DCLK1: variants seen among roughly 807,000 people sequenced by gnomAD.
The protein encoded by DCLK1 is doublecortin like kinase 1.
In DCLK1, 16 loss-of-function variants were observed where a neutral mutation model predicts 86.2. The ratio of observed to expected loss-of-function variants is 0.19; its 90% confidence interval spans 0.13 to 0.28. DCLK1 has a LOEUF of 0.28. Ranked by LOEUF, DCLK1 falls within the 10% of genes least tolerant of loss-of-function variation. The probability of loss-of-function intolerance (pLI) is 1.00; values close to 1 mark genes in which losing one functional copy is unlikely to be tolerated. For missense variants in DCLK1, 590 were observed against 940.2 expected, an observed-to-expected ratio of 0.63 and a Z score of 4.87; for synonymous variants, 369 against 370.5, an observed-to-expected ratio of 1.00 and a Z score of 0.05.
At chr13:35,997,700 A>G (rs1011389515) in intron 3 of DCLK1, among the ~76,000 whole-genome samples, 9 of 152,188 alleles carry the variant, frequency 5.9e-5, no homozygotes, top group African/African-American at 1.9e-4. Context: ...TTTAAATCAG[A>G]TATAAAAGAA....
At chr13:35,793,223 C>T (rs2086740194) in intron 16 of DCLK1, 143 bp downstream of exon 16, 1 of 515,240 alleles carries the variant, frequency 1.9e-6, no homozygotes, top group Non-Finnish European at 3.4e-6. Context: ...AAGTCCCATA[C>T]CTCCTCTAGT....
At chr13:35,991,318 A>G (rs2153143811) in intron 3 of DCLK1, among the ~76,000 whole-genome samples, 1 of 152,230 alleles carries the variant, frequency 6.6e-6, no homozygotes, top group African/African-American at 2.4e-5. Context: ...GAAACACAGA[A>G]GTTTAACTAT....
chr13:35,808,863 T>A (rs183267733), intron 13 of DCLK1, among the ~76,000 whole-genome samples, 155 bp downstream of exon 13: 2 of 152,036 alleles, frequency 1.3e-5, no homozygotes, highest in African/African-American at 2.4e-5. Context: ...TAAATTAGCA[T>A]GCATGACATA....
At chr13:36,074,126 C>T (rs1884079301) in intron 3 of DCLK1, among the ~76,000 whole-genome samples, 1 of 152,112 alleles carries the variant, frequency 6.6e-6, no homozygotes, top group Non-Finnish European at 1.5e-5. Context: ...TGCTACCACA[C>T]TGATTTGCAA....
At chr13:36,111,360 C>T (rs1011611801) in intron 3 of DCLK1, among the ~76,000 whole-genome samples, 1 of 152,062 alleles carries the variant, frequency 6.6e-6, no homozygotes, top group Non-Finnish European at 1.5e-5. Context: ...AGAAATATGC[C>T]TTTAAAGCTA....
chr13:36,014,984 C>T (rs1881478149), intron 3 of DCLK1, among the ~76,000 whole-genome samples: 1 of 101,408 alleles, frequency 9.9e-6, no homozygotes, highest in African/African-American at 3.9e-5. Context: ...TTAATTCTCT[C>T]TCCCTCTCTC....
Position 35,959,403 on chromosome 13 carries a change from C to T in DCLK1, c.724-11946G>A, listed in dbSNP as rs564721381. Among the ~76,000 whole-genome samples, 9 of 152,218 alleles carry T rather than the reference C, an allele frequency of 5.9e-5. No homozygotes were observed. In the East Asian group the frequency reaches 1.4e-3, roughly 23 times the overall value. The stretch of plus-strand genomic sequence containing the variant: ...GGCGATCACTGGCCATTAACACAGG[C>T]AGACAGTAGGAAATTGATGGGGACT... On this transcript the variant is annotated intron_variant, in intron 3 of 16. Coordinates refer to ENST00000360631, the MANE Select transcript of DCLK1 (RefSeq NM_001330071.2).
At chr13:36,013,181 C>T (rs1593817152) in intron 3 of DCLK1, among the ~76,000 whole-genome samples, 1 of 150,018 alleles carries the variant, frequency 6.7e-6, no homozygotes, top group African/African-American at 2.5e-5. Flanking sequence ...GAATGTCCTC[C>T]CGTAGCTCAG....
chr13:36,114,655 TTAAC>T (rs1410865075), intron 2 of DCLK1, among the ~76,000 whole-genome samples: 5 of 152,268 alleles, frequency 3.3e-5, no homozygotes, highest in African/African-American at 1.2e-4. Context: ...AATCTATGTA[TTAAC>T]TATTTTTACA....
At chr13:35,907,552 A>G (rs1874755345) in intron 4 of DCLK1, among the ~76,000 whole-genome samples, 1 of 152,210 alleles carries the variant, frequency 6.6e-6, no homozygotes, top group Non-Finnish European at 1.5e-5. Context: ...CCAAATTGCT[A>G]TTCTGTGATT....
chr13:36,074,214 A>G (rs1260359977), intron 3 of DCLK1, among the ~76,000 whole-genome samples: 1 of 152,160 alleles, frequency 6.6e-6, no homozygotes, highest in Non-Finnish European at 1.5e-5. Flanking sequence ...TTAAAAACAG[A>G]GAAGACGGCC....
At chr13:36,060,289 C>T (rs974129222) in intron 3 of DCLK1, among the ~76,000 whole-genome samples, 3 of 152,136 alleles carry the variant, frequency 2.0e-5, no homozygotes, top group Admixed American at 1.3e-4. Flanking sequence ...TATTAATCAA[C>T]AATTCATTCA....
At chr13:36,029,355 T>C (rs531548630) in intron 3 of DCLK1, among the ~76,000 whole-genome samples, 13 of 152,326 alleles carry the variant, frequency 8.5e-5, no homozygotes, top group Non-Finnish European at 1.5e-4. Context: ...CCATTGGAAG[T>C]CTGTTTTTCT....
intron 4 of DCLK1, among the ~76,000 whole-genome samples, chr13:35,915,719 C>A (rs1025883066): frequency 1.3e-5 from 2 of 152,096 alleles, no homozygotes; most frequent in Non-Finnish European, 2.9e-5. Flanking sequence ...AACAAACCAA[C>A]AAAAACACAG....
chr13:35,864,618 T>A (rs1304442343), intron 5 of DCLK1, among the ~76,000 whole-genome samples: 2 of 146,784 alleles, frequency 1.4e-5, no homozygotes, highest in African/African-American at 2.5e-5. Flanking sequence ...AAATAAAAAC[T>A]GTAAAACAAA....
chr13:35,919,446 A>G (rs1375491811), intron 4 of DCLK1, among the ~76,000 whole-genome samples: 1 of 152,114 alleles, frequency 6.6e-6, no homozygotes, highest in African/African-American at 2.4e-5. Context: ...TGTTTCTTAA[A>G]TCTTATGCAG....
intron 11 of DCLK1, 50 bp from the exon 12 acceptor site, chr13:35,811,018 G>A (rs1404778585): frequency 6.2e-7 from 1 of 1,608,840 alleles, no homozygotes; most frequent in East Asian, 2.2e-5. Flanking sequence ...GAGCTCAAAA[G>A]CCCTTTCTTG....
chr13:35,950,307 T>C (rs573954848), intron 3 of DCLK1, among the ~76,000 whole-genome samples: 7 of 152,374 alleles, frequency 4.6e-5, no homozygotes, highest in African/African-American at 1.7e-4. Context: ...TTATCATTGA[T>C]ACAGAGGTAG....
chr13:35,847,091 A>G (rs1870234969), intron 6 of DCLK1: 1 of 982,010 alleles, frequency 1.0e-6, no homozygotes, highest in Non-Finnish European at 1.2e-6. Context: ...ACAATAGAAA[A>G]AAATCATAGT....
Sources: gnomAD v4.1 joint callset for allele counts (sites outside exome capture counted in the v4.1 genomes callset) on GRCh38, gnomAD v4.1.1 for gene constraint, MANE v1.5 for transcripts, NCBI Gene and HGNC (gene_info 2026-07-23, HGNC 2026-07-21) for gene names.